The following ODF2L variants were observed in gnomAD, a reference collection of about 807,000 sequenced individuals.
The protein encoded by ODF2L is protein BCAP.
In ODF2L, 76 loss-of-function variants were observed where a neutral mutation model predicts 86.3. The ratio of observed to expected loss-of-function variants is 0.88; its 90% CI spans 0.73 to 1.07. The LOEUF (loss-of-function observed/expected upper bound fraction) is 1.07. Ranked by LOEUF, ODF2L falls within the 50% of genes least tolerant of loss-of-function variation. The pLI is 0.00. For missense variants in ODF2L, 748 were observed against 717.4 expected (o/e 1.04, Z -0.49); for synonymous variants, 241 against 231.3 (o/e 1.04, Z -0.38).
exon 14 of ODF2L, chr1:86,356,546 C>T (rs530569725): frequency 6.2e-7 from 1 of 1,614,128 alleles, no homozygotes; most frequent in East Asian, 2.2e-5. Context: ...CCGCCGCCGT[C>T]AAGGAATCGC....
At chr1:86,352,870 T>C (rs1658245242) in exon 17 of ODF2L, 1 of 1,532,136 alleles carries the variant, frequency 6.5e-7, no homozygotes, top group Non-Finnish European at 9.0e-7. Context: ...CTGTTCATTT[T>C]GCAAACAAGT....
At chr1:86,372,988 G>A (rs1486362131) in intron 8 of ODF2L, among the ~76,000 whole-genome samples, 1 of 151,966 alleles carries the variant, frequency 6.6e-6, no homozygotes, top group Admixed American at 6.6e-5. Context: ...GGGAGGTGAG[G>A]GGTAAAAGAC....
chr1:86,354,612 T>C lies in ODF2L; in HGVS notation c.1685A>G (p.Asn562Ser), dbSNP rs779867368. The change falls in exon 16 of 18, where the codon AAT (asparagine) becomes AGT (serine). Residue 562 changes from asparagine to serine, a missense_variant. By Grantham distance (46) the Asn-to-Ser change is conservative (BLOSUM62 1). Coordinates refer to ENST00000317336, the Ensembl canonical transcript of ODF2L. The stretch of plus-strand genomic sequence containing the variant: ...TGCAGATTTCTCTTTAAACTTAAGA[T>C]TGCTGTGCTTAAGACATTCTTCTTG... 1.9e-5 allele frequency: 30 copies of C among 1,608,268 alleles called. No individual in the cohort carries two copies. The South Asian group carries it at 3.1e-4, about 17-fold the overall frequency.
intron 12 of ODF2L, among the ~76,000 whole-genome samples, chr1:86,359,617 G>C (rs1306804348): frequency 6.8e-6 from 1 of 147,026 alleles, no homozygotes; most frequent in Non-Finnish European, 1.5e-5. Context: ...TCCACCTCCT[G>C]GATTCAAGCA....
downstream of ODF2L, chr1:86,348,231 T>C (rs756138218): frequency 6.6e-6 from 1 of 152,070 alleles, no homozygotes; most frequent in Non-Finnish European, 1.5e-5. Flanking sequence ...TAACAGAAAT[T>C]ATAATGGCAA....
At chr1:86,391,250 AG>A (rs1177844881) in intron 1 of ODF2L, among the ~76,000 whole-genome samples, 1 of 152,210 alleles carries the variant, frequency 6.6e-6, no homozygotes, top group Non-Finnish European at 1.5e-5. Context: ...TATTGTGAAA[AG>A]GGCCATACTG....
At chr1:86,380,175 A>G (rs1660467131) in intron 7 of ODF2L, among the ~76,000 whole-genome samples, 1 of 152,178 alleles carries the variant, frequency 6.6e-6, no homozygotes, top group African/African-American at 2.4e-5. Flanking sequence ...GTCACAGTAC[A>G]AGCTAAACCT....
Position 86,382,376 on chromosome 1 carries a change from A to G in ODF2L, c.508-18T>C. 6.2e-7 allele frequency: 1 copy of G among 1,607,472 alleles called. No individual in the cohort carries two copies. Among genetic ancestry groups the G allele is most frequent in the Non-Finnish European group, 8.5e-7 (1 of 1,177,810 alleles). The stretch of plus-strand genomic sequence containing the variant: ...GTATTTGCCTGTAACAAAGAGAAAG[A>G]GAAAACCAAAAAAATCCATATTATT... On this transcript the variant is annotated intron_variant, in intron 6 of 17. Transcript: ENST00000317336.
At chr1:86,389,400 G>A (rs1661159076) in intron 1 of ODF2L, among the ~76,000 whole-genome samples, 2 of 152,000 alleles carry the variant, frequency 1.3e-5, no homozygotes, top group East Asian at 3.9e-4. Context: ...GTGGTGCTAA[G>A]GGAAAGGTTC....
intron 17 of ODF2L, 105 bp downstream of exon 16, chr1:86,352,748 TTTAATA>T: frequency 1.6e-6 from 1 of 637,946 alleles, no homozygotes; most frequent in Non-Finnish European, 2.6e-6. Context: ...GCTTGTTATT[TTTAATA>T]TTATCAGTAA....
exon 1 of ODF2L, chr1:86,396,123 A>C (rs529934718): frequency 6.6e-6 from 1 of 152,444 alleles, no homozygotes. Flanking sequence ...GGCTGCTGCA[A>C]TGGAAACCGT....
chr1:86,386,932 A>T (rs765162064), exon 2 of ODF2L: 1 of 1,570,786 alleles, frequency 6.4e-7, no homozygotes, highest in Non-Finnish European at 8.7e-7. Flanking sequence ...GATGACTTTC[A>T]CTGGTACACC....
intron 10 of ODF2L, among the ~76,000 whole-genome samples, chr1:86,370,586 G>C (rs1659723372): frequency 6.6e-6 from 1 of 151,970 alleles, no homozygotes; most frequent in East Asian, 1.9e-4. Flanking sequence ...AAATTCAAAA[G>C]CTTCTCCCCT....
At chr1:86,355,794 C>G (rs762193607) in intron 14 of ODF2L, among the ~76,000 whole-genome samples, 2 of 151,044 alleles carry the variant, frequency 1.3e-5, no homozygotes, top group Non-Finnish European at 3.0e-5. Context: ...TTTTTTTTTG[C>G]AAAATTAAAA....
intron 13 of ODF2L, among the ~76,000 whole-genome samples, chr1:86,357,177 TGGCTACTGCA>T (rs1259766999): frequency 1.3e-5 from 2 of 152,184 alleles, no homozygotes; most frequent in Non-Finnish European, 2.9e-5. Context: ...TAATCTGTTT[TGGCTACTGCA>T]GTTCCTCGCT....
intron 16 of ODF2L, among the ~76,000 whole-genome samples, chr1:86,353,808 T>A (rs1312407800): frequency 1.3e-5 from 2 of 152,220 alleles, no homozygotes; most frequent in East Asian, 3.8e-4. Flanking sequence ...ATTGACGCCC[T>A]TGGCGCCGTC....
intron 7 of ODF2L, among the ~76,000 whole-genome samples, chr1:86,380,709 G>C (rs1315077219): frequency 1.3e-5 from 2 of 151,866 alleles, no homozygotes; most frequent in Non-Finnish European, 2.9e-5. Flanking sequence ...TATCTCCAAA[G>C]CAATGTCTGT....
At chr1:86,359,696 G>C (rs1010601624) in intron 12 of ODF2L, among the ~76,000 whole-genome samples, 2 of 151,640 alleles carry the variant, frequency 1.3e-5, no homozygotes, top group African/African-American at 4.9e-5. Context: ...GCTAATTTTT[G>C]TATTTTTAGT....
chr1:86,394,341 G>A (rs1481975769), intron 1 of ODF2L, among the ~76,000 whole-genome samples: 3 of 151,654 alleles, frequency 2.0e-5, no homozygotes, highest in African/African-American at 7.3e-5. Context: ...ACTTGAACCC[G>A]GGAGGCGGAC....
Sources: allele counts gnomAD v4.1 joint callset (sites outside exome capture counted in the v4.1 genomes callset), GRCh38; gene constraint gnomAD v4.1.1; transcripts MANE v1.5; gene names NCBI Gene and HGNC (gene_info 2026-07-23, HGNC 2026-07-21).